The following TTN variants were observed in gnomAD, a reference collection of about 807,000 sequenced individuals.
TTN encodes the protein titin, also known as connectin.
In TTN, 1,525 loss-of-function variants were observed where a neutral mutation model predicts 3,223.0. The observed-to-expected ratio is 0.47, with a 90% CI of 0.45 to 0.49. TTN has a LOEUF of 0.49. Among genes scored for constraint, TTN ranks in the 20% least tolerant of loss-of-function variants. The pLI, the probability that TTN is intolerant of heterozygous loss-of-function variation, is 0.00. For synonymous variants in TTN, 14,094 were observed against 15,161.0 expected, an observed-to-expected ratio of 0.93 and a Z score of 5.17; for missense variants, 40,786 against 43,424.0, an observed-to-expected ratio of 0.94 and a Z score of 5.40.
In TTN at chr2:178,731,005, T is replaced by C. The variant is rs527439656; in HGVS notation, c.17660A>G (p.Lys5887Arg). 5.6e-6 allele frequency: 9 copies of C among 1,613,672 alleles called. No individual in the cohort carries two copies. The South Asian group carries it at 6.6e-5, about 12-fold the overall frequency. The change falls in exon 60 of 363, where the codon AAG (lysine) becomes AGG (arginine). Residue 5887 changes from lysine (K) to arginine (R), a missense_variant. By Grantham distance (26) the Lys-to-Arg change is conservative. Transcript: ENST00000589042. ...VSILKIISTE[K>R]KDSGEYTFEV... ...GAAAGTATATTCTCCACTATCTTTC[T>C]TTTCTGTAGAAATAATCTTCAGTAT...
rs267599039 is a variant in TTN at position 178,576,309 on chromosome 2, A to G, written c.69823T>C (p.Tyr23275His). Reference sequence around the variant, plus strand: ...CCTACTTTTTGATGCTCCACGACATAGCCAGTGATTTCAAGTCCACCATCA... The same window carrying G: ...CCTACTTTTTGATGCTCCACGACATGGCCAGTGATTTCAAGTCCACCATCA... ...HYDGGLEITG[Y>H]VVEHQKVGDE... Residue 23275 changes from tyrosine to histidine, a missense_variant, in exon 326 of 363, where the codon TAT becomes CAT. Physicochemically the swap from Tyr to His is moderately conservative, Grantham distance 83 (BLOSUM62 2). Coordinates refer to ENST00000589042, the MANE Select transcript of TTN (RefSeq NM_001267550.2). The surrounding 1 kb of genome is among the most constrained non-coding windows in gnomAD (Gnocchi z 4.3). The G allele has an allele frequency of 1.3e-6, 2 of 1,577,434 alleles. No homozygotes were observed. Among genetic ancestry groups the G allele is most frequent in the African/African-American group, 2.7e-5 (2 of 73,080 alleles).
Position 178,574,191 on chromosome 2 carries a change from C to G in TTN, c.71941G>C (p.Glu23981Gln), listed in dbSNP as rs794729246. ...WLKANFSNIL[E>Q]NEFTVSGLTE... ...AGGCCACTGACTGTAAATTCATTCTCCAAAATGTTGCTGAAGTTGGCCTTC... is the reference window on the plus strand; with the variant it reads ...AGGCCACTGACTGTAAATTCATTCTGCAAAATGTTGCTGAAGTTGGCCTTC... Residue 23981 changes from glutamate (E) to glutamine (Q), a missense_variant, in exon 326 of 363, where the codon GAG (glutamate) becomes CAG (glutamine). Physicochemically the swap from Glu to Gln is conservative, Grantham distance 29. Transcript: ENST00000589042. The G allele has an allele frequency of 6.2e-7, 1 of 1,613,388 alleles. No homozygotes were observed. Among genetic ancestry groups the G allele is most frequent in the Admixed American group, 1.7e-5 (1 of 59,968 alleles).
intron 243 of TTN, 122 bp downstream of exon 243, chr2:178,622,548 C>T (rs2058451325): frequency 7.0e-6 from 5 of 709,752 alleles, no homozygotes; most frequent in Non-Finnish European, 1.2e-5. Flanking sequence ...CTACAATTAT[C>T]TTTAAAAGTA....
Position 178,676,141 on chromosome 2 carries a change from T to G in TTN, c.34379-146A>C, listed in dbSNP as rs1577270080. Reference sequence around the variant, plus strand: ...TTAGTTGGGAGCCCAGATATTATAATGTAATTGGGATTTGTAAAGCAAGGG... The same window carrying G: ...TTAGTTGGGAGCCCAGATATTATAAGGTAATTGGGATTTGTAAAGCAAGGG... On this transcript the variant is annotated intron_variant, in intron 147 of 362. Transcript: ENST00000589042. 4 of 664,860 alleles carry G rather than the reference T, an allele frequency of 6.0e-6. No homozygotes were observed. The East Asian group carries it at 1.1e-4, about 18-fold the overall frequency. The allele number at this position is 664,860 out of a possible 1,614,324, so 41.2% of individuals were successfully genotyped here. A position where few individuals can be genotyped will look rare whatever the true frequency, so the allele number is the denominator to read the frequency against.
chr2:178,583,002 T>C lies in TTN; in HGVS notation c.65801A>G (p.Tyr21934Cys). The C allele has an allele frequency of 3.8e-6, 6 of 1,592,442 alleles. No homozygotes were observed. The highest frequency in any genetic ancestry group is 5.1e-6 in the Non-Finnish European group (6 of 1,167,640). ...ACTTGAATTTTCAGCAGTAATGGTA[T>C]AGTCTCCTGAGTCCTTCCGGTTCAC... Reference protein sequence around the residue: ...FSVNRKDSGDYTITAENSSGS... With the variant: ...FSVNRKDSGDCTITAENSSGS... Residue 21934 changes from tyrosine to cysteine, a missense_variant, in exon 313 of 363, where the codon TAT (tyrosine) becomes TGT (cysteine). Transcript: ENST00000589042.
At position 178,672,630 on chromosome 2, in the gene TTN, T is replaced by C. The variant is rs1195424396; in HGVS notation, c.34855+5A>G. The C allele has an allele frequency of 1.2e-6, 2 of 1,611,842 alleles. No individual in the cohort carries two copies. Among genetic ancestry groups the C allele is most frequent in the Non-Finnish European group, 8.5e-7 (1 of 1,178,582 alleles). ...AGGAAGTCAGGTTTAAAAGAGAAGA[T>C]GTACCTTTGGCTGGGGGTGCCTCTT... On this transcript the variant is annotated splice_donor_5th_base_variant and intron_variant, in intron 153 of 362. Coordinates refer to ENST00000589042, the MANE Select transcript of TTN (RefSeq NM_001267550.2).
chr2:178,545,405 G>A lies in TTN; in HGVS notation c.95705C>T (p.Ser31902Leu), dbSNP rs770705757. 15 of 1,580,804 alleles carry A rather than the reference G, an allele frequency of 9.5e-6. No homozygotes were observed. Among genetic ancestry groups the A allele is most frequent in the Non-Finnish European group, 1.0e-5 (12 of 1,159,912 alleles). Residue 31902 changes from serine to leucine, a missense_variant, in exon 344 of 363, where the codon TCA (serine) becomes TTA (leucine). Physicochemically the swap from Ser to Leu is moderately radical, Grantham distance 145 (BLOSUM62 -2). Transcript: ENST00000589042. ...GAGCTCACATGATGGTTCTCTGCAT[G>A]AGATGAAGTTGGAAGCTTCGCTGGG... Reference protein sequence around the residue: ...SEPSEASNFISCREPSYTPGP... With the variant: ...SEPSEASNFILCREPSYTPGP...
Position 178,615,341 on chromosome 2 carries a change from A to T in TTN, c.48604T>A (p.Trp16202Arg). The T allele has an allele frequency of 6.2e-7, 1 of 1,612,432 alleles. No homozygotes were observed. Among genetic ancestry groups the T allele is most frequent in the Non-Finnish European group, 8.5e-7 (1 of 1,179,002 alleles). ...VERCPRGSDK[W>R]VACGEPVAET... ...GCAACAGGTTCTCCACAGGCAACCC[A>T]TTTATCAGAACCACGTGGACATCTT... Residue 16202 changes from tryptophan to arginine, a missense_variant, in exon 259 of 363, where the codon TGG becomes AGG. Trp to Arg is a moderately radical substitution (Grantham distance 101). Coordinates refer to ENST00000589042, the MANE Select transcript of TTN (RefSeq NM_001267550.2).
At chr2:178,690,347 C>G (rs1297400819) in intron 121 of TTN, among the ~76,000 whole-genome samples, 1 of 152,186 alleles carries the variant, frequency 6.6e-6, no homozygotes, top group Non-Finnish European at 1.5e-5. Flanking sequence ...TAACTTACTT[C>G]TCTTCCCCAC....
In TTN at chr2:178,577,471, C is replaced by G. The variant is rs201381085; in HGVS notation, c.68864G>C (p.Gly22955Ala). The G allele has an allele frequency of 2.7e-4, 436 of 1,596,118 alleles. No homozygotes were observed. The highest frequency in any genetic ancestry group is 5.4e-4 in the Admixed American group (32 of 59,548). ...TIVLDPTIKD[G>A]LTIKAGDTIV... is the part of the protein sequence containing the mutation. ...GGTATCCCCTGCTTTAATTGTTAGCCCATCTTTTATTGTGGGATCAAGGAC... is the reference window on the plus strand; with the variant it reads ...GGTATCCCCTGCTTTAATTGTTAGCGCATCTTTTATTGTGGGATCAAGGAC... The change falls in exon 324 of 363, where the codon GGG becomes GCG. Residue 22955 changes from glycine to alanine, a missense_variant. Physicochemically the swap from Gly to Ala is moderately conservative, Grantham distance 60 (BLOSUM62 0). Coordinates refer to ENST00000589042, the MANE Select transcript of TTN (RefSeq NM_001267550.2).
Position 178,723,276 on chromosome 2 carries a change from C to T in TTN, c.21731G>A (p.Gly7244Glu). 5.0e-6 allele frequency: 8 copies of T among 1,613,436 alleles called. No homozygotes were observed. Among genetic ancestry groups the T allele is most frequent in the Non-Finnish European group, 4.2e-6 (5 of 1,179,618 alleles). ...GGTGCTCTCCAGAATTATGGACTTC[C>T]CTGGTTCTACAGAATGATCACTTAA... ...KRLSDHSVEP[G>E]KSIILESTYT... Residue 7244 changes from glycine to glutamate, a missense_variant, in exon 75 of 363, where the codon GGG (glycine) becomes GAG (glutamate). Physicochemically the swap from Gly to Glu is moderately conservative, Grantham distance 98. Coordinates refer to ENST00000589042, the MANE Select transcript of TTN (RefSeq NM_001267550.2).
rs1477007971 is a variant in TTN at position 178,775,604 on chromosome 2, T to C, written c.6260A>G (p.Gln2087Arg). 1 of 1,614,144 alleles carries C rather than the reference T, an allele frequency of 6.2e-7. No individual in the cohort carries two copies. The highest frequency in any genetic ancestry group is 2.2e-5 in the East Asian group (1 of 44,860). Residue 2087 changes from glutamine (Q) to arginine (R), a missense_variant, in exon 28 of 363, where the codon CAA (glutamine) becomes CGA (arginine). Physicochemically the swap from Gln to Arg is conservative, Grantham distance 43 (BLOSUM62 1). Coordinates refer to ENST00000589042, the MANE Select transcript of TTN (RefSeq NM_001267550.2). The part of the protein sequence containing the change: ...APKIFERIQS[Q>R]TVGQGSDAHF... ...TGCATCAGATCCTTGGCCCACTGTT[T>C]GGCTCTGGATTCTTTCGAAGATTTT...
At chr2:178,586,428 G>T in intron 308 of TTN, 77 bp downstream of exon 308, 3 of 1,534,800 alleles carry the variant, frequency 2.0e-6, no homozygotes, top group East Asian at 2.3e-5. Flanking sequence ...AGATTCCTCA[G>T]GGAGAAATGT....
chr2:178,768,165 A>C lies in TTN; in HGVS notation c.9164-10T>G. On this transcript the variant is annotated splice_polypyrimidine_tract_variant and intron_variant, in intron 38 of 362. Transcript: ENST00000589042. ...AATTCTATATGACGAGCTGGAAAAT[A>C]GCATGTAGAAAAATTAACATTTTTA... The C allele has an allele frequency of 6.2e-7, 1 of 1,613,942 alleles. No individual in the cohort carries two copies. Among genetic ancestry groups the C allele is most frequent in the Non-Finnish European group, 8.5e-7 (1 of 1,179,896 alleles).
Position 178,537,059 on chromosome 2 carries a change from G to A in TTN, c.100050C>T (p.Thr33350=). 1 of 1,613,124 alleles carries A rather than the reference G, an allele frequency of 6.2e-7. No individual in the cohort carries two copies. Residue 33350 remains threonine (T), a synonymous_variant, in exon 356 of 363, where the codon ACC becomes ACT. Coordinates refer to ENST00000589042, the MANE Select transcript of TTN (RefSeq NM_001267550.2). ...TTTCTGTGAGGTTCACAATTCTACA[G>A]GTTGTCACTGAGATGGCTGAAGACA... ...QLVSSAISVT[T]CRIVNLTENA... is the part of the protein sequence containing the mutation.
Position 178,646,104 on chromosome 2 carries a change from T to TTTTATATATATA in TTN, c.40298-75_40298-74insTATATATATAAA, listed in dbSNP as rs1188641505. 4.1e-3 allele frequency: 157 copies of TTTTATATATATA among 37,994 alleles called. 7 individuals are homozygous for TTTTATATATATA. The highest frequency in any genetic ancestry group is 0.014 in the Admixed American group (30 of 2,188). The allele number at this position is 37,994 out of a possible 1,614,324, so 2.4% of individuals were successfully genotyped here. A position where few individuals can be genotyped will look rare whatever the true frequency, so the allele number is the denominator to read the frequency against. On this transcript the variant is annotated intron_variant, in intron 216 of 362. Transcript: ENST00000589042. ...GGATATGTAGTATATTTAATAGAAA[T>TTTTATATATATA]TATATATATATATATATATATATAT...
rs778940810 is a variant in TTN, at chr2:178,777,171, G to A, written c.4792C>T (p.Pro1598Ser). The A allele has an allele frequency of 3.1e-6, 5 of 1,614,054 alleles. No individual in the cohort carries two copies. The highest frequency in any genetic ancestry group is 3.4e-6 in the Non-Finnish European group (4 of 1,179,962). The change falls in exon 27 of 363, where the codon CCT becomes TCT. Residue 1598 changes from proline (P) to serine (S), a missense_variant. Coordinates refer to ENST00000589042, the MANE Select transcript of TTN (RefSeq NM_001267550.2). ...VWLKNSDIIV[P>S]HKYPKIRIEG... The stretch of plus-strand genomic sequence containing the variant: ...TACCTGATTTTGGGATATTTATGAG[G>A]CACAATGATGTCACTGTTTTTCAAC...
rs1698388457 is a variant in TTN at position 178,549,286 on chromosome 2, G to A, written c.92340C>T (p.Phe30780=). 6.2e-7 allele frequency: 1 copy of A among 1,613,808 alleles called. No individual in the cohort carries two copies. The highest frequency in any genetic ancestry group is 1.7e-5 in the Admixed American group (1 of 59,990). The change falls in exon 339 of 363, where the codon TTC becomes TTT. Residue 30780 remains phenylalanine, a synonymous_variant. Coordinates refer to ENST00000589042, the MANE Select transcript of TTN (RefSeq NM_001267550.2). ...TGCCTTCTGTCAGACCAGTGACTTT[G>A]AATCTTGTTTCAGAGATTGGTCGTT... ...ISKRPISETR[F]KVTGLTEGNE...
intron 98 of TTN, 38 bp from the exon 99 acceptor site, chr2:178,709,894 G>T: frequency 6.4e-7 from 1 of 1,555,360 alleles, no homozygotes; most frequent in Non-Finnish European, 8.7e-7. Context: ...GTAGAAGCTA[G>T]AAGCAGATTA....
Sources: gnomAD v4.1 joint callset for allele counts (sites outside exome capture counted in the v4.1 genomes callset) on GRCh38, gnomAD v4.1.1 for gene constraint, Gnocchi (gnomAD v3.1) non-coding constraint, MANE v1.5 for transcripts, NCBI Gene and HGNC (gene_info 2026-07-23, HGNC 2026-07-21) for gene names.